The following P2RY8 variants were observed in gnomAD, a reference collection of about 807,000 sequenced individuals.
P2RY8 encodes the protein P2Y receptor family member 8.
In P2RY8, 6 loss-of-function variants were observed where a neutral mutation model predicts 10.0. That is an observed-to-expected ratio of 0.60 (90% CI 0.33 to 1.19). The LOEUF is 1.19. P2RY8 is among the 50% of genes most tolerant of loss of function. P2RY8 has a pLI of 0.04. For synonymous variants in P2RY8, 276 were observed against 252.5 expected (o/e 1.09, Z -0.88); for missense variants, 456 against 542.0 (o/e 0.84, Z 1.58).
At chrX:1,509,374 T>TTCTAACTA (rs1556682677) in intron 1 of P2RY8, among the ~76,000 whole-genome samples, 31 of 131,220 alleles carry the variant, frequency 2.4e-4, no homozygotes, top group Middle Eastern at 5.4e-3. Context: ...CATCCATCTA[T>TTCTAACTA]TCTATCTATC....
At chrX:1,481,372 C>T (rs1361756452) in intron 1 of P2RY8, among the ~76,000 whole-genome samples, 4 of 152,138 alleles carry the variant, frequency 2.6e-5, no homozygotes, top group African/African-American at 7.2e-5. Context: ...CTATGTTAGC[C>T]GGGCTGGTCT....
chrX:1,483,112 T>C (rs768228084), intron 1 of P2RY8, among the ~76,000 whole-genome samples: 1 of 152,324 alleles, frequency 6.6e-6, no homozygotes, highest in South Asian at 2.1e-4. Context: ...ATTATTTTAA[T>C]TTAAATAAAT....
chrX:1,536,948 A>G lies in P2RY8; in HGVS notation c.-52T>C, dbSNP rs1199020586. On this transcript the variant is annotated 5_prime_UTR_variant, in exon 1 of 2. Coordinates refer to ENST00000381297, the MANE Select transcript of P2RY8 (RefSeq NM_178129.5). ...GTGCAGAAGCAGCGGCAGAAGTAGC[A>G]GGTGAGAGCTCAGAGGGTCTCCAGG... The G allele has an allele frequency of 4.4e-5, 10 of 229,204 alleles. No homozygotes were observed. The highest frequency in any genetic ancestry group is 8.6e-5 in the Non-Finnish European group (10 of 115,682). 14.2% of individuals were successfully genotyped at this position (229,204 alleles called of 1,614,324 possible).
At chrX:1,466,710 T>TC in intron 1 of P2RY8, 128 bp from the exon 2 acceptor site, 5 of 616,590 alleles carry the variant, frequency 8.1e-6, no homozygotes, top group Admixed American at 3.2e-5. Flanking sequence ...GCCTGCTGTC[T>TC]CCTCCCTCCC....
In P2RY8 at chrX:1,464,361, G is replaced by C; in HGVS notation, c.*1118C>G. 1 of 233,692 alleles carries C rather than the reference G, an allele frequency of 4.3e-6. No individual in the cohort carries two copies. The highest frequency in any genetic ancestry group is 8.4e-6 in the Non-Finnish European group (1 of 118,364). The allele number at this position is 233,692 out of a possible 1,614,324, so 14.5% of individuals were successfully genotyped here. A position where few individuals can be genotyped will look rare whatever the true frequency, so the allele number is the denominator to read the frequency against. ...CAGCCTGCTCACCACCCACACAGCA[G>C]GGAGGGGGCTCAGCGGCTGACACCC... is the stretch of plus-strand genomic sequence containing the variant. On this transcript the variant is annotated 3_prime_UTR_variant, in exon 2 of 2. Transcript: ENST00000381297.
At position 1,464,588 on chromosome X, in the gene P2RY8, C is replaced by T. The variant is rs73182974; in HGVS notation, c.*891G>A. 6,916 of 233,320 alleles carry T rather than the reference C, an allele frequency of 0.03. 159 individuals are homozygous for T. Among genetic ancestry groups the T allele is most frequent in the Non-Finnish European group, 0.041 (4,796 of 118,144 alleles). 14.5% of individuals were successfully genotyped at this position (233,320 alleles called of 1,614,324 possible). On this transcript the variant is annotated 3_prime_UTR_variant, in exon 2 of 2. Coordinates refer to ENST00000381297, the MANE Select transcript of P2RY8 (RefSeq NM_178129.5). Reference sequence around the variant, plus strand: ...ACCCTTGTGTTGGGATGGGCTGGACCCCATCTCACGGAGCCTCCTTTCCGC... The same window carrying T: ...ACCCTTGTGTTGGGATGGGCTGGACTCCATCTCACGGAGCCTCCTTTCCGC...
chrX:1,508,543 A>T (rs2092255346), intron 1 of P2RY8, among the ~76,000 whole-genome samples: 1 of 152,100 alleles, frequency 6.6e-6, no homozygotes, highest in Non-Finnish European at 1.5e-5. Flanking sequence ...GTATCTACCT[A>T]TCTAGCCATC....
intron 1 of P2RY8, among the ~76,000 whole-genome samples, chrX:1,483,658 A>T (rs1332817474): frequency 6.6e-6 from 1 of 151,690 alleles, no homozygotes; most frequent in African/African-American, 2.4e-5. Context: ...AAAAGAAACA[A>T]CCCAAACAGG....
intron 1 of P2RY8, among the ~76,000 whole-genome samples, chrX:1,511,478 C>T (rs1219352981): frequency 6.6e-5 from 10 of 152,202 alleles, no homozygotes; most frequent in Non-Finnish European, 2.9e-5. Context: ...GCCTGTTAGG[C>T]TATACAAATC....
intron 1 of P2RY8, among the ~76,000 whole-genome samples, chrX:1,476,592 GAAAA>G (rs59126504): frequency 7.0e-6 from 1 of 141,970 alleles, no homozygotes; most frequent in Non-Finnish European, 1.5e-5. Context: ...GCCTCAAAAA[GAAAA>G]AAAAAAAAGA....
chrX:1,474,900 GGATGGATA>G (rs2091858227), intron 1 of P2RY8, among the ~76,000 whole-genome samples: 1 of 144,812 alleles, frequency 6.9e-6, no homozygotes, highest in Non-Finnish European at 1.5e-5. Flanking sequence ...ATGGATGGAT[GGATGGATA>G]AGTGGGTGGG....
intron 1 of P2RY8, among the ~76,000 whole-genome samples, chrX:1,532,783 C>A (rs2092489025): frequency 6.6e-6 from 1 of 151,786 alleles, no homozygotes; most frequent in Non-Finnish European, 1.5e-5. Context: ...GGGCAGATCA[C>A]AAGGTCAGGA....
At chrX:1,478,068 T>C (rs1209574616) in intron 1 of P2RY8, among the ~76,000 whole-genome samples, 1 of 152,018 alleles carries the variant, frequency 6.6e-6, no homozygotes, top group Non-Finnish European at 1.5e-5. Flanking sequence ...AGCTAAAGCA[T>C]CTCTTGGGCC....
intron 1 of P2RY8, among the ~76,000 whole-genome samples, chrX:1,488,178 C>T (rs1290836302): frequency 6.6e-6 from 1 of 152,038 alleles, no homozygotes; most frequent in East Asian, 1.9e-4. Context: ...AACAGCTGAG[C>T]CCCCAGGAGC....
intron 1 of P2RY8, among the ~76,000 whole-genome samples, chrX:1,474,771 AGGATGGGTAGAT>A (rs2091856281): frequency 1.4e-5 from 2 of 144,288 alleles, no homozygotes; most frequent in African/African-American, 5.2e-5. Flanking sequence ...TGAATGGATG[AGGATGGGTAGAT>A]GGATGGGTGG....
intron 1 of P2RY8, among the ~76,000 whole-genome samples, chrX:1,497,242 GA>G (rs2092126326): frequency 8.0e-6 from 1 of 125,000 alleles, no homozygotes; most frequent in Non-Finnish European, 1.7e-5. Context: ...AAAAAGAAAA[GA>G]AAAAGAAAAA....
At chrX:1,529,520 G>A (rs1439931900) in intron 1 of P2RY8, among the ~76,000 whole-genome samples, 3 of 152,050 alleles carry the variant, frequency 2.0e-5, no homozygotes, top group Admixed American at 2.0e-4. Flanking sequence ...CCTGGGGCGT[G>A]GTGGGTGGAG....
intron 1 of P2RY8, among the ~76,000 whole-genome samples, chrX:1,533,196 G>T (rs181973712): frequency 3.8e-4 from 57 of 150,658 alleles, no homozygotes; most frequent in Non-Finnish European, 7.1e-4. Flanking sequence ...GAACTTCCTC[G>T]TGTAACCAAA....
chrX:1,467,504 C>G (rs1256269458), intron 1 of P2RY8, among the ~76,000 whole-genome samples: 1 of 152,210 alleles, frequency 6.6e-6, no homozygotes, highest in Non-Finnish European at 1.5e-5. Context: ...GGAGGAAAAG[C>G]AGACCCTTCC....
Sources: allele counts gnomAD v4.1 joint callset (sites outside exome capture counted in the v4.1 genomes callset), GRCh38; gene constraint gnomAD v4.1.1; transcripts MANE v1.5; gene names NCBI Gene and HGNC (gene_info 2026-07-23, HGNC 2026-07-21).